SCP2: variants seen among roughly 807,000 people sequenced by gnomAD.
The protein encoded by SCP2 is SCP-2/3-oxoacyl-CoA thiolase.
SCP2 carries 48 observed loss-of-function variants against 71.4 expected under a neutral mutation model. That is an observed-to-expected ratio of 0.67 (90% CI 0.53 to 0.86). The LOEUF (loss-of-function observed/expected upper bound fraction) is 0.86, where lower values mean the gene tolerates loss of function less well. SCP2 is among the 40% of genes least tolerant of loss of function. The pLI is 0.00. For synonymous variants in SCP2, 220 were observed against 218.1 expected, an observed-to-expected ratio of 1.01 and a Z score of -0.08; for missense variants, 560 against 655.6, an observed-to-expected ratio of 0.85 and a Z score of 1.59.
At chr1:52,934,316 A>AT (rs912248370) in intron 1 of SCP2, among the ~76,000 whole-genome samples, 59 of 150,442 alleles carry the variant, frequency 3.9e-4, no homozygotes, top group African/African-American at 9.0e-4. Context: ...ACTATTAAAA[A>AT]TTTTTTTTTT....
intron 13 of SCP2, among the ~76,000 whole-genome samples, chr1:53,037,441 C>T (rs993162555): frequency 6.6e-6 from 1 of 151,908 alleles, no homozygotes; most frequent in African/African-American, 2.4e-5. Flanking sequence ...TTTTCTGACT[C>T]CTATCTCTAT....
chr1:52,944,722 A>G (rs986063326), intron 2 of SCP2, among the ~76,000 whole-genome samples: 8 of 152,000 alleles, frequency 5.3e-5, no homozygotes, highest in African/African-American at 1.9e-4. Context: ...CTGGGGATTG[A>G]CTAGTAATAA....
chr1:53,038,145 C>CA (rs1051233455), intron 13 of SCP2, among the ~76,000 whole-genome samples: 7 of 138,396 alleles, frequency 5.1e-5, no homozygotes, highest in African/African-American at 1.1e-4. Flanking sequence ...GACCTTGTCT[C>CA]AAAAAAAAAG....
At chr1:52,938,802 T>C (rs12061467) in intron 1 of SCP2, among the ~76,000 whole-genome samples, 4,478 of 152,314 alleles carry the variant, frequency 0.029, 216 homozygotes, top group African/African-American at 0.1. Context: ...CACATCATTA[T>C]CACCCAGAGA....
intron 10 of SCP2, among the ~76,000 whole-genome samples, chr1:52,987,006 A>ATATATTTTTTTTTTTTT (rs1386745740): frequency 1.8e-5 from 2 of 110,504 alleles, no homozygotes; most frequent in African/African-American, 8.0e-5. Context: ...ATATATATAT[A>ATATATTTTTTTTTTTTT]TTTTTTTTTT....
chr1:53,041,544 A>G (rs532867441), intron 14 of SCP2, among the ~76,000 whole-genome samples: 5 of 152,346 alleles, frequency 3.3e-5, no homozygotes, highest in African/African-American at 9.6e-5. Flanking sequence ...TGAAGCTGGT[A>G]CATTAGACCT....
chr1:52,945,612 A>G (rs543745408), intron 2 of SCP2, among the ~76,000 whole-genome samples: 4 of 152,156 alleles, frequency 2.6e-5, no homozygotes, highest in African/African-American at 9.6e-5. Flanking sequence ...CTGAGGCAGG[A>G]GAATGGTGGG....
In SCP2 at chr1:52,927,418, C is replaced by G; in HGVS notation, c.22C>G (p.Pro8Ala). 5.6e-6 allele frequency: 9 copies of G among 1,599,990 alleles called. No homozygotes were observed. The South Asian group carries it at 5.7e-5, about 10-fold the overall frequency. MSSSPWEPATLRRVFVVG... is the reference protein window; with the variant it reads MSSSPWEAATLRRVFVVG... ...AGCCATGTCCTCTTCCCCGTGGGAG[C>G]CTGCGACCCTGCGCCGGGTGTTCGT... is the stretch of plus-strand genomic sequence containing the variant. The change falls in exon 1 of 16, where the codon CCT becomes GCT. Residue 8 changes from proline (P) to alanine (A), a missense_variant. Pro to Ala is a conservative substitution (Grantham distance 27). Transcript: ENST00000371514.
Position 53,047,359 on chromosome 1 carries a change from A to G in SCP2, c.1469-499A>G, listed in dbSNP as rs1292519845. Among the ~76,000 whole-genome samples the G allele has an allele frequency of 3.3e-5, 5 of 152,240 alleles. 1 individual carries two copies. In the East Asian group the frequency reaches 9.6e-4, roughly 29 times the overall value. ...TAGAAGCAAGTCACAGGTTCTACTCACACTGGAAGGAAGGGGATGTACACC... is the reference window on the plus strand; with the variant it reads ...TAGAAGCAAGTCACAGGTTCTACTCGCACTGGAAGGAAGGGGATGTACACC... On this transcript the variant is annotated intron_variant, in intron 14 of 15. Coordinates refer to ENST00000371514, the MANE Select transcript of SCP2 (RefSeq NM_002979.5).
At chr1:52,951,829 G>A (rs570185015) in intron 4 of SCP2, among the ~76,000 whole-genome samples, 2 of 151,828 alleles carry the variant, frequency 1.3e-5, no homozygotes, top group African/African-American at 2.4e-5. Context: ...TGATTCTCAT[G>A]CCTCAGCCTC....
At chr1:52,937,788 A>G (rs755102884) in intron 1 of SCP2, among the ~76,000 whole-genome samples, 13 of 152,246 alleles carry the variant, frequency 8.5e-5, no homozygotes, top group Non-Finnish European at 1.9e-4. Context: ...TCTCAGCTTC[A>G]CTTAGAGTGA....
At chr1:52,996,887 TCTC>T (rs1659973683) in intron 11 of SCP2, among the ~76,000 whole-genome samples, 1 of 152,220 alleles carries the variant, frequency 6.6e-6, no homozygotes, top group South Asian at 2.1e-4. Context: ...TTTTGCAACA[TCTC>T]CTATCTTCCT....
Position 52,978,339 on chromosome 1 carries a change from C to T in SCP2, c.797C>T (p.Ser266Leu). Residue 266 changes from serine to leucine, a missense_variant, in exon 9 of 16, where the codon TCG becomes TTG. Transcript: ENST00000371514. ...GAAATGATGACTGATTTGCCAAGCT[C>T]GTTTGAAGAAAAAAGCATTATTAAA... ...AQEMMTDLPS[S>L]FEEKSIIKMV... 4.3e-6 allele frequency: 7 copies of T among 1,613,836 alleles called. No homozygotes were observed. Among genetic ancestry groups the T allele is most frequent in the South Asian group, 1.1e-5 (1 of 91,068 alleles).
chr1:53,009,115 C>T (rs1254903355), intron 11 of SCP2, among the ~76,000 whole-genome samples: 1 of 151,960 alleles, frequency 6.6e-6, no homozygotes, highest in Non-Finnish European at 1.5e-5. Context: ...CACTGCTCAA[C>T]GAAATAAAAG....
chr1:52,935,644 C>G (rs905949287), intron 1 of SCP2, among the ~76,000 whole-genome samples: 4 of 151,050 alleles, frequency 2.6e-5, no homozygotes, highest in African/African-American at 9.7e-5. Flanking sequence ...AAAGGAATGT[C>G]CACACTCGGT....
At chr1:52,946,699 AATTG>A (rs938919834) in intron 2 of SCP2, among the ~76,000 whole-genome samples, 4 of 151,856 alleles carry the variant, frequency 2.6e-5, no homozygotes, top group African/African-American at 9.7e-5. Flanking sequence ...AAATTATAAT[AATTG>A]ATTATTATAA....
At chr1:53,044,729 G>A (rs1172115930) in intron 14 of SCP2, among the ~76,000 whole-genome samples, 1 of 152,190 alleles carries the variant, frequency 6.6e-6, no homozygotes, top group East Asian at 1.9e-4. Flanking sequence ...TTAATTGATT[G>A]CCTAAAACGT....
At chr1:52,980,351 G>T in intron 9 of SCP2, 45 bp from the exon 10 acceptor site, 2 of 1,576,348 alleles carry the variant, frequency 1.3e-6, no homozygotes, top group Non-Finnish European at 1.7e-6. Context: ...TTGTTTAAAA[G>T]GCCCAGTTTT....
intron 10 of SCP2, among the ~76,000 whole-genome samples, chr1:52,987,802 C>G (rs1659131793): frequency 6.6e-6 from 1 of 152,140 alleles, no homozygotes; most frequent in Non-Finnish European, 1.5e-5. Context: ...TTTTGGAAGT[C>G]AGAGAGCTCT....
Sources: allele counts gnomAD v4.1 joint callset (sites outside exome capture counted in the v4.1 genomes callset), GRCh38; gene constraint gnomAD v4.1.1; transcripts MANE v1.5; gene names NCBI Gene and HGNC (gene_info 2026-07-23, HGNC 2026-07-21).